TMEM43: variants seen among roughly 807,000 people sequenced by gnomAD.
TMEM43 encodes arrhythmogenic right ventricular dysplasia 5.
In TMEM43, 45 loss-of-function variants were observed where a neutral mutation model predicts 49.6. The observed-to-expected ratio is 0.91, with a 90% confidence interval of 0.71 to 1.16. The LOEUF is 1.16. Among genes scored for constraint, TMEM43 ranks in the 50% most tolerant of loss-of-function variants. The pLI is 0.00. For missense variants in TMEM43, 532 were observed against 516.6 expected, an observed-to-expected ratio of 1.03 and a Z score of -0.29; for synonymous variants, 199 against 207.8, an observed-to-expected ratio of 0.96 and a Z score of 0.36.
chr3:14,132,584 G>T lies in TMEM43; in HGVS notation c.431G>T (p.Arg144Met). Residue 144 changes from arginine to methionine, a missense_variant, in exon 5 of 12, where the codon AGG becomes ATG. Coordinates refer to ENST00000306077, the MANE Select transcript of TMEM43 (RefSeq NM_024334.3). Reference sequence around the variant, plus strand: ...GATGGGCAGGTGAAGAAGGAGACGAGGTATTCCTACAGTGAGTGCTGGGCC... The same window carrying T: ...GATGGGCAGGTGAAGAAGGAGACGATGTATTCCTACAGTGAGTGCTGGGCC... ...TEDGQVKKET[R>M]YSYNTEWRSE... 1 of 1,614,112 alleles carries T rather than the reference G, an allele frequency of 6.2e-7. No homozygotes were observed. Among genetic ancestry groups the T allele is most frequent in the Non-Finnish European group, 8.5e-7 (1 of 1,179,988 alleles).
intron 2 of TMEM43, 89 bp from the exon 3 acceptor site, chr3:14,130,733 G>A: frequency 2.7e-6 from 4 of 1,503,700 alleles, no homozygotes; most frequent in Admixed American, 2.0e-5. Context: ...GCTCCCGGAG[G>A]CCCCATCCTA....
intron 4 of TMEM43, 107 bp from the exon 5 acceptor site, chr3:14,132,439 G>A (rs1695108781): frequency 8.8e-7 from 1 of 1,133,248 alleles, no homozygotes; most frequent in African/African-American, 1.5e-5. Context: ...CCGTATCTGG[G>A]GAGTCTGATC....
chr3:14,125,284 C>T, intron 1 of TMEM43, 79 bp downstream of exon 1: 1 of 1,522,822 alleles, frequency 6.6e-7, no homozygotes, highest in Non-Finnish European at 8.9e-7. Flanking sequence ...CCTCTAGGTC[C>T]ATTTCGCCGC....
At chr3:14,139,367 T>A in intron 11 of TMEM43, 70 bp downstream of exon 11, 1 of 1,107,180 alleles carries the variant, frequency 9.0e-7, no homozygotes, top group East Asian at 2.3e-5. Flanking sequence ...TGTCGCATCA[T>A]CTCAGCCCTT....
chr3:14,141,696 G>C lies in TMEM43; in HGVS notation c.1104G>C (p.Trp368Cys). Residue 368 changes from tryptophan (W) to cysteine (C), a missense_variant, in exon 12 of 12, where the codon TGG (tryptophan) becomes TGC (cysteine). By Grantham distance (215) the Trp-to-Cys change is radical. Coordinates refer to ENST00000306077, the MANE Select transcript of TMEM43 (RefSeq NM_024334.3). ...SLTLLTVAAG[W>C]LFYRPLWALL... ...CCCTGCTGACCGTGGCGGCTGGCTG[G>C]CTCTTCTACCGACCCCTGTGGGCCC... 1.2e-6 allele frequency: 2 copies of C among 1,614,146 alleles called. No individual in the cohort carries two copies. The highest frequency in any genetic ancestry group is 1.7e-6 in the Non-Finnish European group (2 of 1,180,026).
intron 1 of TMEM43, among the ~76,000 whole-genome samples, chr3:14,128,120 G>A (rs1428298579): frequency 2.6e-5 from 4 of 152,220 alleles, no homozygotes; most frequent in African/African-American, 9.7e-5. Context: ...ACAAAGTGGT[G>A]AAGTTGCTTG....
intron 4 of TMEM43, 121 bp from the exon 5 acceptor site, chr3:14,132,425 T>A: frequency 2.1e-6 from 2 of 972,430 alleles, no homozygotes; most frequent in African/African-American, 1.6e-5. Flanking sequence ...AGAGAAGGCA[T>A]CTGCCGTATC....
intron 9 of TMEM43, 32 bp from the exon 10 acceptor site, chr3:14,135,775 C>T (rs1187766781): frequency 6.3e-7 from 1 of 1,589,166 alleles, no homozygotes; most frequent in Non-Finnish European, 8.6e-7. Flanking sequence ...CGCTGGTCAC[C>T]CCTCAGCTCT....
Position 14,130,944 on chromosome 3 carries a change from A to C in TMEM43, c.285A>C (p.Leu95Phe). 1 of 1,611,246 alleles carries C rather than the reference A, an allele frequency of 6.2e-7. No homozygotes were observed. Among genetic ancestry groups the C allele is most frequent in the African/African-American group, 1.3e-5 (1 of 75,006 alleles). ...EGRLVHIIGALRTSKLLSDPN... is the reference protein window; with the variant it reads ...EGRLVHIIGAFRTSKLLSDPN... ...GGCTGGTGCACATCATTGGCGCCTTACGGACATCCAAGGTAGGTTTGGCAG... is the reference window on the plus strand; with the variant it reads ...GGCTGGTGCACATCATTGGCGCCTTCCGGACATCCAAGGTAGGTTTGGCAG... The change falls in exon 3 of 12, where the codon TTA becomes TTC. Residue 95 changes from leucine to phenylalanine, a missense_variant. By Grantham distance (22) the Leu-to-Phe change is conservative. Transcript: ENST00000306077.
intron 10 of TMEM43, among the ~76,000 whole-genome samples, chr3:14,136,536 G>A (rs1695172357): frequency 1.3e-5 from 2 of 152,202 alleles, no homozygotes; most frequent in African/African-American, 4.8e-5. Flanking sequence ...CAGTGATCAA[G>A]CAGGGCCTCT....
chr3:14,131,145 G>A (rs141408934), intron 3 of TMEM43, among the ~76,000 whole-genome samples, 189 bp downstream of exon 3: 129 of 152,286 alleles, frequency 8.5e-4, no homozygotes, highest in African/African-American at 2.6e-3. Flanking sequence ...AAATGGGGAC[G>A]GTAATGGTTA....
chr3:14,133,899 T>C (rs1695133330), intron 7 of TMEM43, 90 bp downstream of exon 7: 3 of 1,169,476 alleles, frequency 2.6e-6, no homozygotes, highest in Admixed American at 3.4e-5. Flanking sequence ...TTCAGAGGGC[T>C]AAAGGCACAG....
chr3:14,129,635 A>T (rs1695067044), intron 2 of TMEM43, 74 bp downstream of exon 2: 2 of 1,561,360 alleles, frequency 1.3e-6, no homozygotes, highest in Admixed American at 1.7e-5. Flanking sequence ...ATGAACCCGG[A>T]GGCTGGATTT....
chr3:14,128,527 C>T (rs988188273), intron 1 of TMEM43, among the ~76,000 whole-genome samples: 2 of 152,192 alleles, frequency 1.3e-5, no homozygotes, highest in Non-Finnish European at 2.9e-5. Flanking sequence ...TCCTTGAGCA[C>T]CAAGTCCACC....
At position 14,125,254 on chromosome 3, in the gene TMEM43, C is replaced by T; in HGVS notation, c.12+49C>T. On this transcript the variant is annotated intron_variant, in intron 1 of 11. Transcript: ENST00000306077. ...GCCACACCCAGGCTTCCCCGTCGCC[C>T]TGGGGCTTTTCCCCGGGGTCCTCTA... 1.9e-6 allele frequency: 3 copies of T among 1,579,940 alleles called. 1 individual carries two copies. The highest frequency in any genetic ancestry group is 2.3e-5 in the South Asian group (2 of 86,844).
At chr3:14,134,707 G>A in intron 7 of TMEM43, 63 bp from the exon 8 acceptor site, 2 of 1,611,610 alleles carry the variant, frequency 1.2e-6, no homozygotes, top group East Asian at 2.2e-5. Context: ...GTCAGGCCAG[G>A]GACTTTGCAG....
intron 1 of TMEM43, among the ~76,000 whole-genome samples, chr3:14,126,876 C>T (rs966392029): frequency 6.6e-6 from 1 of 152,222 alleles, no homozygotes; most frequent in Non-Finnish European, 1.5e-5. Context: ...ATCAGTACAG[C>T]AGCAGCAGTA....
rs1229243950 is a variant in TMEM43 at position 14,141,546 on chromosome 3, T to A, written c.1001-47T>A. 1.9e-6 allele frequency: 3 copies of A among 1,557,240 alleles called. No individual in the cohort carries two copies. In the East Asian group the frequency reaches 6.7e-5, roughly 35 times the overall value. On this transcript the variant is annotated intron_variant, in intron 11 of 11. Transcript: ENST00000306077. ...GGACAGGAGAGATCTGCTGAGCTGG[T>A]GAGGTGTAGAGCAGGTGGCACCTCA...
rs1209223184 is a variant in TMEM43, at chr3:14,134,817, C to G, written c.631C>G (p.Leu211Val). The change falls in exon 8 of 12, where the codon CTG (leucine) becomes GTG (valine). Residue 211 changes from leucine (L) to valine (V), a missense_variant. Transcript: ENST00000306077. ...CTTCAAGTCCCTGAGCCTATCCAAGCTGGAGGACCCTCATGTGGACATCAT... is the reference window on the plus strand; with the variant it reads ...CTTCAAGTCCCTGAGCCTATCCAAGGTGGAGGACCCTCATGTGGACATCAT... ...DNFKSLSLSK[L>V]EDPHVDIIRR... 1.2e-6 allele frequency: 2 copies of G among 1,614,198 alleles called. No individual in the cohort carries two copies. The highest frequency in any genetic ancestry group is 1.7e-6 in the Non-Finnish European group (2 of 1,180,024).
Sources: allele counts gnomAD v4.1 joint callset (sites outside exome capture counted in the v4.1 genomes callset), GRCh38; gene constraint gnomAD v4.1.1; transcripts MANE v1.5; gene names NCBI Gene and HGNC (gene_info 2026-07-23, HGNC 2026-07-21).